The following ARHGAP10 variants were observed in gnomAD, a reference collection of about 807,000 sequenced individuals.
ARHGAP10 encodes the protein rho GTPase-activating protein 10.
Under a neutral mutation model 108.6 loss-of-function variants are expected in ARHGAP10, and 87 were observed. The observed-to-expected ratio is 0.80, with a 90% CI of 0.67 to 0.96. The LOEUF (loss-of-function observed/expected upper bound fraction) is 0.96, where lower values mean the gene tolerates loss of function less well. Ranked by LOEUF, ARHGAP10 falls within the 40% of genes least tolerant of loss-of-function variation. The pLI, the probability that ARHGAP10 is intolerant of heterozygous loss-of-function variation, is 0.00. For missense variants in ARHGAP10, 939 were observed against 954.5 expected, an observed-to-expected ratio of 0.98 and a Z score of 0.21; for synonymous variants, 347 against 341.1, an observed-to-expected ratio of 1.02 and a Z score of -0.19.
chr4:147,984,743 CAAG>C (rs1462397043), intron 18 of ARHGAP10, among the ~76,000 whole-genome samples: 1 of 152,192 alleles, frequency 6.6e-6, no homozygotes, highest in Non-Finnish European at 1.5e-5. Context: ...ACGTCCAGGC[CAAG>C]AAGTGGCTTT....
chr4:147,764,182 G>A (rs542193419), intron 1 of ARHGAP10, among the ~76,000 whole-genome samples: 5 of 152,310 alleles, frequency 3.3e-5, no homozygotes, highest in South Asian at 4.1e-4. Flanking sequence ...AGAAAGCTGG[G>A]TGGGAAAATA....
intron 5 of ARHGAP10, among the ~76,000 whole-genome samples, chr4:147,860,494 A>G (rs1463877765): frequency 1.3e-5 from 2 of 152,122 alleles, no homozygotes; most frequent in Non-Finnish European, 2.9e-5. Context: ...ATTGTGGCAT[A>G]TACCATGCTG....
chr4:147,851,196 T>C (rs1733864060), intron 4 of ARHGAP10, among the ~76,000 whole-genome samples: 1 of 152,092 alleles, frequency 6.6e-6, no homozygotes, highest in Admixed American at 6.5e-5. Context: ...TTATGACTTA[T>C]CACCTAAGCT....
At chr4:147,800,734 A>G (rs1276262880) in intron 1 of ARHGAP10, among the ~76,000 whole-genome samples, 2 of 152,004 alleles carry the variant, frequency 1.3e-5, no homozygotes, top group African/African-American at 2.4e-5. Context: ...TGCTATTTCC[A>G]GGGTTTATAG....
intron 1 of ARHGAP10, among the ~76,000 whole-genome samples, chr4:147,796,100 T>C (rs1731307807): frequency 6.6e-6 from 1 of 152,222 alleles, no homozygotes; most frequent in African/African-American, 2.4e-5. Flanking sequence ...TTGTTTATAA[T>C]TTCCCCCCCT....
chr4:147,964,238 G>A (rs1003028444), intron 16 of ARHGAP10, among the ~76,000 whole-genome samples: 3 of 152,222 alleles, frequency 2.0e-5, no homozygotes, highest in Admixed American at 1.3e-4. Context: ...CTTCAGTTCC[G>A]AGTATCAGCA....
At chr4:148,001,170 G>A (rs1396612801) in intron 18 of ARHGAP10, among the ~76,000 whole-genome samples, 1 of 152,176 alleles carries the variant, frequency 6.6e-6, no homozygotes, top group Admixed American at 6.5e-5. Context: ...ATTGAATAGG[G>A]AATCCTTTCC....
At chr4:147,868,501 C>T (rs1431340132) in intron 7 of ARHGAP10, among the ~76,000 whole-genome samples, 1 of 152,088 alleles carries the variant, frequency 6.6e-6, no homozygotes, top group African/African-American at 2.4e-5. Flanking sequence ...CTCCCAAGAT[C>T]CTGGCATTAC....
intron 1 of ARHGAP10, among the ~76,000 whole-genome samples, chr4:147,792,360 A>G (rs537188711): frequency 1.3e-5 from 2 of 152,292 alleles, no homozygotes; most frequent in African/African-American, 4.8e-5. Flanking sequence ...TATTTATAAC[A>G]TGTCCTCTTC....
chr4:147,957,244 A>C (rs1461934832), intron 16 of ARHGAP10, among the ~76,000 whole-genome samples: 1 of 152,138 alleles, frequency 6.6e-6, no homozygotes, highest in Non-Finnish European at 1.5e-5. Context: ...TAATGAGAAA[A>C]AGTACATGTA....
chr4:147,890,406 G>A (rs1315912003), intron 10 of ARHGAP10, among the ~76,000 whole-genome samples: 1 of 152,170 alleles, frequency 6.6e-6, no homozygotes, highest in East Asian at 1.9e-4. Context: ...CCACAGATTT[G>A]AAAATAATGT....
chr4:147,805,176 T>G (rs1327665183), intron 1 of ARHGAP10, among the ~76,000 whole-genome samples: 2 of 152,216 alleles, frequency 1.3e-5, no homozygotes, highest in Non-Finnish European at 2.9e-5. Flanking sequence ...GGGGTCTAGT[T>G]TCAGTCTTCT....
chr4:148,054,440 C>G (rs1327725510), intron 20 of ARHGAP10, among the ~76,000 whole-genome samples: 1 of 152,174 alleles, frequency 6.6e-6, no homozygotes, highest in East Asian at 1.9e-4. Flanking sequence ...CCTGAGAGCT[C>G]GAGGCAGCCA....
At chr4:147,870,890 G>A (rs766269409) in intron 7 of ARHGAP10, among the ~76,000 whole-genome samples, 8 of 150,944 alleles carry the variant, frequency 5.3e-5, no homozygotes, top group Non-Finnish European at 8.9e-5. Context: ...TATTTTTGTC[G>A]CAATGTTCTA....
At position 147,770,705 on chromosome 4, in the gene ARHGAP10, T is replaced by C. The variant is rs539974867; in HGVS notation, c.154+38250T>C. 3.0e-4 allele frequency among the ~76,000 whole-genome samples: 45 copies of C among 152,362 alleles called. 2 individuals are homozygous for C. In the South Asian group the frequency reaches 8.5e-3, roughly 29 times the overall value. ...TTGACCTGGATTCAGATTCCACCTC[T>C]GCTACATACTGGCTTCATGACCTCA... On this transcript the variant is annotated intron_variant, in intron 1 of 22. Transcript: ENST00000336498.
At chr4:148,067,747 G>A (rs754456940) in intron 22 of ARHGAP10, among the ~76,000 whole-genome samples, 14 of 152,162 alleles carry the variant, frequency 9.2e-5, no homozygotes, top group Non-Finnish European at 1.8e-4. Flanking sequence ...ACCCCTGGGC[G>A]GCCTCGTCAG....
At position 147,854,353 on chromosome 4, in the gene ARHGAP10, C is replaced by T. The variant is rs566396798; in HGVS notation, c.385-3200C>T. 3.3e-5 allele frequency among the ~76,000 whole-genome samples: 5 copies of T among 152,296 alleles called. No homozygotes were observed. The East Asian group carries it at 5.8e-4, about 18-fold the overall frequency. On this transcript the variant is annotated intron_variant, in intron 4 of 22. Transcript: ENST00000336498. ...TTCTCAAGAGGCAAAAATGTTCTGG[C>T]GCTGAGTAATGGCTGCCTTCTTCTC... is the stretch of plus-strand genomic sequence containing the variant.
chr4:147,767,694 C>T (rs148116064), intron 1 of ARHGAP10, among the ~76,000 whole-genome samples: 2 of 152,088 alleles, frequency 1.3e-5, no homozygotes, highest in Non-Finnish European at 2.9e-5. Context: ...AGCCACTGCA[C>T]TCCACTCTGG....
At chr4:147,991,517 G>A (rs867543938) in intron 18 of ARHGAP10, among the ~76,000 whole-genome samples, 15 of 152,284 alleles carry the variant, frequency 9.9e-5, no homozygotes, top group Admixed American at 2.0e-4. Flanking sequence ...TAGAGACTAA[G>A]TGCCCAAGGT....
Sources: gnomAD v4.1 joint callset for allele counts (sites outside exome capture counted in the v4.1 genomes callset) on GRCh38, gnomAD v4.1.1 for gene constraint, MANE v1.5 for transcripts, NCBI Gene and HGNC (gene_info 2026-07-23, HGNC 2026-07-21) for gene names.